Variants in ADAMTS13 observed in about 807,000 individuals in gnomAD.
ADAMTS13 encodes A disintegrin and metalloproteinase with thrombospondin motifs 13.
Under a neutral mutation model 155.1 loss-of-function variants are expected in ADAMTS13, and 110 were observed. The ratio of observed to expected loss-of-function variants is 0.71; its 90% CI spans 0.61 to 0.83. The LOEUF (loss-of-function observed/expected upper bound fraction) is 0.83, where lower values mean the gene tolerates loss of function less well. ADAMTS13 is among the 40% of genes least tolerant of loss of function. The pLI, the probability that ADAMTS13 is intolerant of heterozygous loss-of-function variation, is 0.00. For missense variants in ADAMTS13, 1,707 were observed against 1,891.7 expected (o/e 0.90, Z 1.81); for synonymous variants, 758 against 756.4 (o/e 1.00, Z -0.03).
rs138416072 is a variant in ADAMTS13 at position 133,458,082 on chromosome 9, C to A, written c.3897C>A (p.Ala1299=). The A allele has an allele frequency of 2.5e-6, 4 of 1,613,428 alleles. No homozygotes were observed. The African/African-American group carries it at 5.3e-5, about 21-fold the overall frequency. Residue 1299 remains alanine, a synonymous_variant, in exon 28 of 29, where the codon GCC becomes GCA. Coordinates refer to ENST00000355699, the MANE Select transcript of ADAMTS13 (RefSeq NM_139027.6). ...NMGAGTEGAN[A]SYILIRDTHS... ...GCGCTGGGACCGAGGGAGCCAATGC[C>A]AGCTACATCTTGGTGAGGCCCAGCA...
rs931405357 is a variant in ADAMTS13 at position 133,435,191 on chromosome 9, C to T, written c.1308+1487C>T. On this transcript the variant is annotated intron_variant, in intron 11 of 28. Transcript: ENST00000355699. ...AATTGTATGTTTGACTTTTTTTTTT[C>T]TTTTTTTTTTTTTTGAGACAGAGTC... is the stretch of plus-strand genomic sequence containing the variant. Among the ~76,000 whole-genome samples the T allele has an allele frequency of 1.7e-3, 231 of 138,836 alleles. 2 individuals carry two copies. The highest frequency in any genetic ancestry group is 5.1e-3 in the African/African-American group (193 of 37,898). The allele number at this position is 138,836 out of a possible 152,430, so 91.1% of individuals were successfully genotyped here.
chr9:133,414,643 T>G (rs1554781083), exon 1 of ADAMTS13: 3 of 1,609,904 alleles, frequency 1.9e-6, no homozygotes, highest in Non-Finnish European at 2.6e-6. Flanking sequence ...CGGTTCTCAG[T>G]GGTGAGGTGG....
At chr9:133,416,131 G>A (rs587771163) in intron 1 of ADAMTS13, among the ~76,000 whole-genome samples, 5 of 152,316 alleles carry the variant, frequency 3.3e-5, no homozygotes, top group South Asian at 2.1e-4. Context: ...TGGTGAGGCC[G>A]AAGGAAGCTT....
Position 133,448,710 on chromosome 9 carries a change from C to T in ADAMTS13, c.2843C>T (p.Ala948Val), listed in dbSNP as rs781805469. 1.6e-5 allele frequency: 25 copies of T among 1,602,480 alleles called. No homozygotes were observed. The South Asian group carries it at 2.6e-4, about 17-fold the overall frequency. The change falls in exon 22 of 29, where the codon GCT becomes GTT. Residue 948 changes from alanine (A) to valine (V), a missense_variant. Physicochemically the swap from Ala to Val is moderately conservative, Grantham distance 64. Around this residue, in one of 3 missense-constraint regions of ADAMTS13, gnomAD observed 961 missense variants for 1,107.9 expected, o/e 0.87. Transcript: ENST00000355699. ...KPGSRREVCQ[A>V]VPCPARWQYK... ...GGGAGCCGGCGGGAGGTCTGCCAGG[C>T]TGTCCCGTGCCCTGCTCGGTGAGTG...
Position 133,445,800 on chromosome 9 carries a change from C to A in ADAMTS13, c.2712C>A (p.Cys904Ter). The change falls in exon 21 of 29, where the codon TGC becomes TGA. Residue 904 changes from cysteine to a stop codon, truncating the protein, a stop_gained. Transcript: ENST00000355699. LOFTEE classifies it high-confidence loss of function. The surrounding 1 kb of genome is among the most constrained non-coding windows in gnomAD (Gnocchi z 5.0). ...TGTGGACCCCTGCGGCAGGGTCGTG[C>A]TCCGTCTCCTGCGGGCGAGGTGAGG... Reference protein sequence around the residue: ...AHVWTPAAGSCSVSCGRGLME... With the variant: ...AHVWTPAAGS 1 of 1,588,394 alleles carries A rather than the reference C, an allele frequency of 6.3e-7. No individual in the cohort carries two copies.
intron 25 of ADAMTS13, 104 bp downstream of exon 25, chr9:133,455,539 C>T (rs1197778852): frequency 6.2e-7 from 1 of 1,610,452 alleles, no homozygotes; most frequent in Non-Finnish European, 8.5e-7. Context: ...GGGGCCTGCT[C>T]TTCTCCCCGG....
rs181843005 is a variant in ADAMTS13, at chr9:133,429,376, C to T, written c.825-563C>T. Among the ~76,000 whole-genome samples the T allele has an allele frequency of 9.8e-3, 1,444 of 147,126 alleles. 11 individuals carry two copies. The highest frequency in any genetic ancestry group is 0.015 in the Non-Finnish European group (973 of 66,726). The stretch of plus-strand genomic sequence containing the variant: ...CGCACCCCTCCGTCCATCCCCATCC[C>T]GCCCCTTGACTCCACATACACTCCC... On this transcript the variant is annotated intron_variant, in intron 7 of 28. Transcript: ENST00000355699.
Position 133,458,068 on chromosome 9 carries a change from G to C in ADAMTS13, c.3883G>C (p.Glu1295Gln), listed in dbSNP as rs867883117. The C allele has an allele frequency of 6.2e-7, 1 of 1,613,400 alleles. No homozygotes were observed. ...ALATNMGAGTEGANASYILIR... is the reference protein window; with the variant it reads ...ALATNMGAGTQGANASYILIR... ...GGCCACCAACATGGGCGCTGGGACCGAGGGAGCCAATGCCAGCTACATCTT... is the reference window on the plus strand; with the variant it reads ...GGCCACCAACATGGGCGCTGGGACCCAGGGAGCCAATGCCAGCTACATCTT... Residue 1295 changes from glutamate (E) to glutamine (Q), a missense_variant, in exon 28 of 29, where the codon GAG becomes CAG. By Grantham distance (29) the Glu-to-Gln change is conservative (BLOSUM62 2). Transcript: ENST00000355699.
Position 133,439,409 on chromosome 9 carries a change from C to G in ADAMTS13, c.1749C>G (p.Val583=), listed in dbSNP as rs1554790040. ...CAGTTACCCCCAACCTGACCAGTGT[C>G]TACATTGCCAACCACAGGCCTCTCT... ...FLTVTPNLTS[V]YIANHRPLFT... The change falls in exon 15 of 29, where the codon GTC becomes GTG. Residue 583 remains valine, a synonymous_variant. Transcript: ENST00000355699. The G allele has an allele frequency of 6.2e-7, 1 of 1,614,008 alleles. No homozygotes were observed. Among genetic ancestry groups the G allele is most frequent in the Non-Finnish European group, 8.5e-7 (1 of 1,179,952 alleles).
chr9:133,417,118 C>T (rs1036572400), upstream of ADAMTS13, among the ~76,000 whole-genome samples: 2 of 152,236 alleles, frequency 1.3e-5, no homozygotes, highest in Non-Finnish European at 2.9e-5. Context: ...TCAAGCGATT[C>T]TTCTGCCTCA....
chr9:133,442,432 C>G lies in ADAMTS13; in HGVS notation c.2002C>G (p.Leu668Val). Residue 668 changes from leucine to valine, a missense_variant, in exon 17 of 29, where the codon CTC (leucine) becomes GTC (valine). Leu to Val is a conservative substitution (Grantham distance 32). Coordinates refer to ENST00000355699, the MANE Select transcript of ADAMTS13 (RefSeq NM_139027.6). ...GCGGTATGGCGAGGAGTATGGCAAC[C>G]TCACCCGCCCAGACATCACCTTCAC... ...YRRYGEEYGNLTRPDITFTYF... is the reference protein window; with the variant it reads ...YRRYGEEYGNVTRPDITFTYF... The G allele has an allele frequency of 6.2e-7, 1 of 1,613,910 alleles. No homozygotes were observed.
At position 133,433,474 on chromosome 9, in the gene ADAMTS13, T is replaced by A; in HGVS notation, c.1189T>A (p.Ser397Thr). 6.2e-7 allele frequency: 1 copy of A among 1,613,614 alleles called. No individual in the cohort carries two copies. The highest frequency in any genetic ancestry group is 1.1e-5 in the South Asian group (1 of 91,072). The part of the protein sequence containing the change: ...WSSWGPRSPC[S>T]RSCGGGVVTR... ...TAGCTGGGGTCCCCGAAGTCCTTGC[T>A]CCCGCTCCTGCGGAGGAGGTGTGGT... The change falls in exon 10 of 29, where the codon TCC becomes ACC. Residue 397 changes from serine to threonine, a missense_variant. Coordinates refer to ENST00000355699, the MANE Select transcript of ADAMTS13 (RefSeq NM_139027.6).
intron 1 of ADAMTS13, chr9:133,414,877 C>T (rs1276540367): frequency 9.9e-6 from 16 of 1,613,990 alleles, no homozygotes; most frequent in South Asian, 3.3e-5. Context: ...CTTTTCCTGC[C>T]GGCATCTCCT....
chr9:133,456,533 C>G lies in ADAMTS13; in HGVS notation c.3548-10C>G. Reference sequence around the variant, plus strand: ...GAGTGCTGGACCCTCACTGCCCTGCCGCTTCCTAGGGGACATGTTGCTGCT... The same window carrying G: ...GAGTGCTGGACCCTCACTGCCCTGCGGCTTCCTAGGGGACATGTTGCTGCT... On this transcript the variant is annotated splice_polypyrimidine_tract_variant and intron_variant, in intron 26 of 28. Transcript: ENST00000355699. The surrounding 1 kb of genome is among the most constrained non-coding windows in gnomAD (Gnocchi z 4.4). The G allele has an allele frequency of 6.2e-7, 1 of 1,612,500 alleles. No individual in the cohort carries two copies. Among genetic ancestry groups the G allele is most frequent in the Non-Finnish European group, 8.5e-7 (1 of 1,179,688 alleles).
At chr9:133,436,602 C>T (rs756460011) in intron 11 of ADAMTS13, among the ~76,000 whole-genome samples, 4 of 152,188 alleles carry the variant, frequency 2.6e-5, no homozygotes, top group South Asian at 2.1e-4. Flanking sequence ...CTTTCTTCTT[C>T]GTTGCTGCCC....
Position 133,423,218 on chromosome 9 carries a change from A to G in ADAMTS13, c.172+51A>G, listed in dbSNP as rs587766699. ...CGGGGGGAGTTTCTCAGGACTTTCAAGGGGTATCTCACCACTGAGTCAGTG... is the reference window on the plus strand; with the variant it reads ...CGGGGGGAGTTTCTCAGGACTTTCAGGGGGTATCTCACCACTGAGTCAGTG... On this transcript the variant is annotated intron_variant, in intron 2 of 28. Coordinates refer to ENST00000355699, the MANE Select transcript of ADAMTS13 (RefSeq NM_139027.6). The G allele has an allele frequency of 7.1e-6, 11 of 1,551,970 alleles. No homozygotes were observed. The South Asian group carries it at 1.2e-4, about 17-fold the overall frequency.
intron 9 of ADAMTS13, 66 bp downstream of exon 9, chr9:133,432,758 C>A: frequency 6.8e-7 from 1 of 1,462,492 alleles, no homozygotes; most frequent in Non-Finnish European, 9.3e-7. Flanking sequence ...CCAGCCAGGC[C>A]GCCCTATTCC....
At chr9:133,433,738 TG>T (rs781849940) in intron 11 of ADAMTS13, 34 bp downstream of exon 11, 111 of 1,609,030 alleles carry the variant, frequency 6.9e-5, no homozygotes, top group Non-Finnish European at 9.2e-5. Flanking sequence ...AGGGGGCAGC[TG>T]GTGGCACCGG....
chr9:133,436,987 G>C, intron 12 of ADAMTS13, 32 bp downstream of exon 12: 1 of 1,585,986 alleles, frequency 6.3e-7, no homozygotes, highest in Non-Finnish European at 8.6e-7. Flanking sequence ...GTTGGGGGAG[G>C]AGCCAGCCCT....
Sources: allele counts gnomAD v4.1 joint callset (sites outside exome capture counted in the v4.1 genomes callset), GRCh38; gene constraint gnomAD v4.1.1; regional missense constraint gnomAD v4.1.1; non-coding constraint Gnocchi (gnomAD v3.1); transcripts MANE v1.5; gene names NCBI Gene and HGNC (gene_info 2026-07-23, HGNC 2026-07-21).